The following TMPRSS9 variants were observed in gnomAD, a reference collection of about 807,000 sequenced individuals.
TMPRSS9 encodes transmembrane serine protease 9, also known as transmembrane protease serine 9.
A neutral mutation model predicts 111.4 loss-of-function variants in TMPRSS9; 113 were observed. That is an observed-to-expected ratio of 1.01 (90% CI 0.87 to 1.19). TMPRSS9 has a LOEUF of 1.19. Among genes scored for constraint, TMPRSS9 ranks in the 50% most tolerant of loss-of-function variants. The pLI is 0.00. For synonymous variants in TMPRSS9, 805 were observed against 659.1 expected (o/e 1.22, Z -3.39); for missense variants, 1,803 against 1,513.1 (o/e 1.19, Z -3.18).
At chr19:2,362,472 T>TTTCTGCAGCTGTGTGG (rs1428535291) in intron 1 of TMPRSS9, among the ~76,000 whole-genome samples, 5 of 151,922 alleles carry the variant, frequency 3.3e-5, no homozygotes, top group Non-Finnish European at 7.4e-5. Context: ...GTATGGGAGG[T>TTTCTGCAGCTGTGTGG]TTCTGCAGCT....
intron 1 of TMPRSS9, among the ~76,000 whole-genome samples, chr19:2,383,985 C>T (rs893493439): frequency 2.0e-5 from 3 of 152,076 alleles, no homozygotes; most frequent in African/African-American, 7.2e-5. Flanking sequence ...ACTCAAGCTC[C>T]ATGCGGTGTT....
intron 12 of TMPRSS9, 98 bp from the exon 14 acceptor site, chr19:2,417,904 G>T: frequency 6.7e-7 from 1 of 1,485,498 alleles, no homozygotes; most frequent in South Asian, 1.2e-5. Context: ...TTCGTCTGTG[G>T]GGTGGGGATG....
chr19:2,387,094 C>T (rs1274344766), upstream of TMPRSS9, among the ~76,000 whole-genome samples: 5 of 152,080 alleles, frequency 3.3e-5, no homozygotes, highest in South Asian at 2.1e-4. Flanking sequence ...CAGTGGCTCA[C>T]GCCTGTAATC....
chr19:2,421,771 C>T (rs998982430), intron 13 of TMPRSS9, 83 bp from the exon 15 acceptor site: 7 of 1,469,612 alleles, frequency 4.8e-6, no homozygotes, highest in Middle Eastern at 2.0e-4. Flanking sequence ...CTCCCACCCA[C>T]TGTAGGAACG....
intron 6 of TMPRSS9, among the ~76,000 whole-genome samples, chr19:2,404,673 G>A (rs959260991): frequency 6.6e-6 from 1 of 152,174 alleles, no homozygotes; most frequent in African/African-American, 2.4e-5. Flanking sequence ...GCTCAGGCCT[G>A]TAATCCCAGC....
intron 2 of TMPRSS9, among the ~76,000 whole-genome samples, chr19:2,398,198 A>G (rs1257279490): frequency 6.6e-6 from 1 of 151,730 alleles, no homozygotes; most frequent in Non-Finnish European, 1.5e-5. Context: ...TGGGAGGCTG[A>G]GGCAGGAGAA....
At chr19:2,413,426 G>A (rs1045116263) in intron 9 of TMPRSS9, among the ~76,000 whole-genome samples, 8 of 152,176 alleles carry the variant, frequency 5.3e-5, no homozygotes, top group African/African-American at 9.7e-5. Context: ...AGGAGGGGAT[G>A]TTATTTATTT....
At position 2,425,499 on chromosome 19, in the gene TMPRSS9, C is replaced by T. The variant is rs1035240287; in HGVS notation, c.3120+6C>T. ...GTGGCGTGGACAGCTGCTCGGTGAGCCCCGCCCCGGCCCAGGGGACCAGGT... is the reference window on the plus strand; with the variant it reads ...GTGGCGTGGACAGCTGCTCGGTGAGTCCCGCCCCGGCCCAGGGGACCAGGT... On this transcript the variant is annotated splice_donor_region_variant and intron_variant, in intron 17 of 17. Coordinates refer to ENST00000648592, the Ensembl canonical transcript of TMPRSS9. The T allele has an allele frequency of 1.3e-6, 2 of 1,566,446 alleles. No individual in the cohort carries two copies. Among genetic ancestry groups the T allele is most frequent in the Non-Finnish European group, 1.7e-6 (2 of 1,163,602 alleles).
In TMPRSS9 at chr19:2,408,275, G is replaced by A. The variant is rs529445722; in HGVS notation, c.843-81G>A. ...TGTGGGGGGATACCCCTTACATTTT[G>A]CACCCAAGGCGAGTGTCCCGTCTGC... On this transcript the variant is annotated intron_variant, in intron 7 of 17. Coordinates refer to ENST00000648592, the Ensembl canonical transcript of TMPRSS9. 1.8e-5 allele frequency: 25 copies of A among 1,414,244 alleles called. No homozygotes were observed. The African/African-American group carries it at 3.4e-4, about 19-fold the overall frequency. 87.6% of individuals were successfully genotyped at this position (1,414,244 alleles called of 1,614,324 possible).
At chr19:2,360,266 G>GT (rs1257127073) in exon 1 of TMPRSS9, among the ~76,000 whole-genome samples, 5 of 152,190 alleles carry the variant, frequency 3.3e-5, no homozygotes, top group Admixed American at 6.5e-5. Flanking sequence ...GATCCGGGCA[G>GT]TAGCGGTGCA....
chr19:2,371,641 G>T (rs917102528), intron 1 of TMPRSS9, among the ~76,000 whole-genome samples: 4 of 151,758 alleles, frequency 2.6e-5, no homozygotes, highest in African/African-American at 9.7e-5. Flanking sequence ...AGGTTGCAGC[G>T]AGCCAACATC....
At chr19:2,397,398 C>G (rs1301386201) in intron 2 of TMPRSS9, among the ~76,000 whole-genome samples, 1 of 152,022 alleles carries the variant, frequency 6.6e-6, no homozygotes, top group Admixed American at 6.6e-5. Context: ...TCAAGCGATT[C>G]TCCTGTCTCA....
exon 7 of TMPRSS9, chr19:2,405,450 G>T (rs149559028): frequency 6.2e-7 from 1 of 1,607,860 alleles, no homozygotes; most frequent in Non-Finnish European, 8.5e-7. Flanking sequence ...GGGAGTTTCC[G>T]TGGCAAGCCA....
chr19:2,405,618 G>A lies in TMPRSS9; in HGVS notation c.842+73G>A, dbSNP rs560397781. The A allele has an allele frequency of 5.0e-6, 7 of 1,402,730 alleles. No individual in the cohort carries two copies. The East Asian group carries it at 8.3e-5, about 17-fold the overall frequency. The allele number at this position is 1,402,730 out of a possible 1,614,324, so 86.9% of individuals were successfully genotyped here. Reference sequence around the variant, plus strand: ...CTGCCTTCCCTCGTGCACTGGGGACGTCACTTCTGGTTTCCTTAGAGCCCC... The same window carrying A: ...CTGCCTTCCCTCGTGCACTGGGGACATCACTTCTGGTTTCCTTAGAGCCCC... On this transcript the variant is annotated intron_variant, in intron 7 of 17. Transcript: ENST00000648592.
chr19:2,407,712 G>T (rs1413401832), intron 7 of TMPRSS9, among the ~76,000 whole-genome samples: 1 of 144,056 alleles, frequency 6.9e-6, no homozygotes, highest in African/African-American at 2.6e-5. Context: ...CAACCTCCCA[G>T]GCTCAGGCAA....
chr19:2,411,482 C>T (rs1258159888), intron 9 of TMPRSS9, among the ~76,000 whole-genome samples: 3 of 146,696 alleles, frequency 2.0e-5, no homozygotes, highest in Non-Finnish European at 4.5e-5. Context: ...ACTGCAACCT[C>T]CGCCTCCCAG....
At chr19:2,397,803 T>C (rs74176393) in intron 2 of TMPRSS9, among the ~76,000 whole-genome samples, 2 of 149,128 alleles carry the variant, frequency 1.3e-5, no homozygotes, top group East Asian at 2.1e-4. Context: ...GCCTGTAGTC[T>C]CAGCTACTCG....
At chr19:2,398,898 G>A (rs1970767040) in intron 3 of TMPRSS9, 36 bp downstream of exon 4, 2 of 1,530,538 alleles carry the variant, frequency 1.3e-6, no homozygotes, top group African/African-American at 1.4e-5. Flanking sequence ...AGGAAACTTG[G>A]TGGACATCTG....
intron 10 of TMPRSS9, 174 bp downstream of exon 11, chr19:2,414,192 C>A: frequency 1.5e-6 from 1 of 666,246 alleles, no homozygotes; most frequent in Non-Finnish European, 2.4e-6. Flanking sequence ...ATCTTTCTGT[C>A]CACAGGTCTT....
Sources: allele counts gnomAD v4.1 joint callset (sites outside exome capture counted in the v4.1 genomes callset), GRCh38; gene constraint gnomAD v4.1.1; transcripts MANE v1.5; gene names NCBI Gene and HGNC (gene_info 2026-07-23, HGNC 2026-07-21).